SYTL4: variants seen among roughly 807,000 people sequenced by gnomAD.
SYTL4 encodes synaptotagmin like 4.
In SYTL4, 16 loss-of-function variants were observed where a neutral mutation model predicts 52.7. The observed-to-expected ratio is 0.30, with a 90% CI of 0.21 to 0.46. The LOEUF (loss-of-function observed/expected upper bound fraction) is 0.46, where lower values mean the gene tolerates loss of function less well. Among genes scored for constraint, SYTL4 ranks in the 20% least tolerant of loss-of-function variants. The probability of loss-of-function intolerance (pLI) is 1.00; values close to 1 mark genes in which losing one functional copy is unlikely to be tolerated. For synonymous variants in SYTL4, 160 were observed against 186.6 expected (o/e 0.86, Z 1.16); for missense variants, 423 against 519.9 (o/e 0.81, Z 1.81).
chrX:100,699,196 G>A (rs760302477), intron 8 of SYTL4, among the ~76,000 whole-genome samples: 8 of 108,496 alleles, frequency 7.4e-5, no homozygotes, highest in African/African-American at 1.3e-4. Context: ...GTGAAACCCC[G>A]TCTCTACTAA....
At chrX:100,680,612 C>T (rs1488440735) in intron 17 of SYTL4, among the ~76,000 whole-genome samples, 1 of 111,088 alleles carries the variant, frequency 9.0e-6, no homozygotes, top group Non-Finnish European at 1.9e-5. Flanking sequence ...AAAACCTTTG[C>T]GCATGTTATC....
In SYTL4 at chrX:100,729,036, C is replaced by CA. The variant is rs759280938; in HGVS notation, c.-240+2381dup. 8.7e-3 allele frequency among the ~76,000 whole-genome samples: 727 copies of CA among 83,693 alleles called. 5 individuals carry two copies. Among genetic ancestry groups the CA allele is most frequent in the African/African-American group, 0.028 (627 of 22,554 alleles). The allele number at this position is 83,693 out of a possible 115,157, so 72.7% of individuals were successfully genotyped here. ...TGGGCGACACAGCGAAACTCTGCCT[C>CA]AAAAAAAAAAAAAAGTAAGAGAGAG... is the stretch of plus-strand genomic sequence containing the variant. On this transcript the variant is annotated intron_variant, in intron 2 of 19. Transcript: ENST00000372989.
chrX:100,698,194 C>A (rs5921631), intron 8 of SYTL4, among the ~76,000 whole-genome samples: 3 of 109,301 alleles, frequency 2.7e-5, no homozygotes, highest in Admixed American at 1.9e-4. Context: ...GCTCCGCCTC[C>A]CGGGTTCACG....
Position 100,676,219 on chromosome X carries a change from T to C in SYTL4, c.1868-43A>G, listed in dbSNP as rs758747776. 4.9e-5 allele frequency: 58 copies of C among 1,194,392 alleles called. No homozygotes were observed. The South Asian group carries it at 9.5e-4, about 20-fold the overall frequency. The stretch of plus-strand genomic sequence containing the variant: ...AAGAGGCTAAAGAGGGGCCCCACTC[T>C]CAGCCCACCAGGGAAGATGGGTTGT... On this transcript the variant is annotated intron_variant, in intron 19 of 19. Transcript: ENST00000372989.
intron 2 of SYTL4, among the ~76,000 whole-genome samples, chrX:100,714,292 TG>T (rs2084145921): frequency 9.3e-6 from 1 of 107,889 alleles, no homozygotes; most frequent in East Asian, 2.9e-4. Flanking sequence ...GATGGAGTCT[TG>T]CTGTTGCCCA....
intron 8 of SYTL4, among the ~76,000 whole-genome samples, chrX:100,692,419 G>T (rs1384784583): frequency 1.8e-5 from 2 of 112,232 alleles, no homozygotes; most frequent in Non-Finnish European, 3.8e-5. Flanking sequence ...ATGCACTCAA[G>T]TATTTTTATT....
rs931866385 is a variant in SYTL4, at chrX:100,683,158, T to G, written c.1450-1823A>C. Among the ~76,000 whole-genome samples, 39 of 34,468 alleles carry G rather than the reference T, an allele frequency of 1.1e-3. 3 individuals are homozygous for G. The highest frequency in any genetic ancestry group is 2.8e-3 in the African/African-American group (34 of 12,154). The allele number at this position is 34,468 out of a possible 115,157, so 29.9% of individuals were successfully genotyped here. ...ATTTTTTTTTTTTTTTTTTTTTTTT[T>G]TGAGACAGGGTTTCATTCCCAGAGC... is the stretch of plus-strand genomic sequence containing the variant. On this transcript the variant is annotated intron_variant, in intron 16 of 19. Coordinates refer to ENST00000372989, the MANE Select transcript of SYTL4 (RefSeq NM_001370165.1).
intron 12 of SYTL4, 120 bp from the exon 13 acceptor site, chrX:100,688,563 CTTTTTTTT>C: frequency 3.1e-6 from 1 of 327,612 alleles, no homozygotes; most frequent in Non-Finnish European, 4.8e-6. Context: ...ACACATACTT[CTTTTTTTT>C]TTTTTTTTTT....
chrX:100,683,899 G>C (rs777746550), intron 16 of SYTL4, among the ~76,000 whole-genome samples: 2 of 111,593 alleles, frequency 1.8e-5, no homozygotes, highest in South Asian at 7.6e-4. Context: ...TGTTAATGTG[G>C]TTTCTTCTCT....
At chrX:100,681,737 TAGAA>T (rs1460483771) in intron 16 of SYTL4, among the ~76,000 whole-genome samples, 1 of 111,911 alleles carries the variant, frequency 8.9e-6, no homozygotes, top group African/African-American at 3.2e-5. Flanking sequence ...TCAATCACTA[TAGAA>T]AGAGTTAAAT....
intron 2 of SYTL4, among the ~76,000 whole-genome samples, chrX:100,727,591 C>T (rs1323529641): frequency 8.9e-6 from 1 of 112,307 alleles, no homozygotes; most frequent in Non-Finnish European, 1.9e-5. Context: ...AAAGCTATCC[C>T]ACAAAAATAC....
At chrX:100,679,620 G>T (rs1337329140) in intron 17 of SYTL4, among the ~76,000 whole-genome samples, 1 of 112,112 alleles carries the variant, frequency 8.9e-6, no homozygotes, top group Non-Finnish European at 1.9e-5. Context: ...ATTAATAAAT[G>T]CCTATTGAAA....
chrX:100,714,549 G>A (rs766067790), intron 2 of SYTL4, among the ~76,000 whole-genome samples: 7 of 105,705 alleles, frequency 6.6e-5, no homozygotes, highest in East Asian at 2.9e-4. Context: ...GTGAGCCACC[G>A]TGCCTGGCCA....
At chrX:100,725,825 A>G (rs1041177469) in intron 2 of SYTL4, among the ~76,000 whole-genome samples, 2 of 111,382 alleles carry the variant, frequency 1.8e-5, no homozygotes, top group African/African-American at 3.3e-5. Context: ...AACACAGAGC[A>G]TGGCACAACA....
chrX:100,690,905 G>A (rs188525610), intron 9 of SYTL4, among the ~76,000 whole-genome samples: 93 of 112,650 alleles, frequency 8.3e-4, no homozygotes, highest in Middle Eastern at 4.6e-3. Flanking sequence ...AAGATACTGG[G>A]GGAATTGACT....
intron 8 of SYTL4, among the ~76,000 whole-genome samples, chrX:100,696,020 T>C (rs2083698139): frequency 8.9e-6 from 1 of 112,134 alleles, no homozygotes; most frequent in African/African-American, 3.2e-5. Flanking sequence ...CGTGTATCAA[T>C]AGTTCATTTC....
At chrX:100,677,350 CAG>C (rs1292013256) in intron 19 of SYTL4, among the ~76,000 whole-genome samples, 1 of 111,887 alleles carries the variant, frequency 8.9e-6, no homozygotes, top group African/African-American at 3.2e-5. Context: ...CCAGGTTACA[CAG>C]GGGCCTGTAG....
intron 2 of SYTL4, among the ~76,000 whole-genome samples, chrX:100,724,517 G>T (rs992215134): frequency 5.7e-5 from 6 of 104,925 alleles, no homozygotes; most frequent in East Asian, 3.1e-4. Context: ...TTCATTTTGT[G>T]CTGTACTAAG....
Position 100,690,624 on chromosome X carries a change from T to C in SYTL4, c.656A>G (p.Asp219Gly). Residue 219 changes from aspartate (D) to glycine (G), a missense_variant, in exon 10 of 20, where the codon GAT becomes GGT. Transcript: ENST00000372989. ...CCATTCTGGAAAGAGGCCAGATTTA[T>C]CCAGAGAGTCTCTCCTGGAGGTAGA... is the stretch of plus-strand genomic sequence containing the variant. The part of the protein sequence containing the change: ...SDSTSRRDSL[D>G]KSGLFPEWKK... The C allele has an allele frequency of 8.3e-7, 1 of 1,201,486 alleles. No homozygotes were observed. Among genetic ancestry groups the C allele is most frequent in the Non-Finnish European group, 1.1e-6 (1 of 887,451 alleles).
Sources: allele counts gnomAD v4.1 joint callset (sites outside exome capture counted in the v4.1 genomes callset), GRCh38; gene constraint gnomAD v4.1.1; transcripts MANE v1.5; gene names NCBI Gene and HGNC (gene_info 2026-07-23, HGNC 2026-07-21).